NFYC: variants seen among roughly 807,000 people sequenced by gnomAD.
NFYC encodes CAAT box DNA-binding protein subunit C.
Under a neutral mutation model 53.1 loss-of-function variants are expected in NFYC, and 25 were observed. The ratio of observed to expected loss-of-function variants is 0.47; its 90% CI spans 0.34 to 0.66. The LOEUF is 0.66. NFYC is among the 30% of genes least tolerant of loss of function. NFYC has a pLI of 0.01. For synonymous variants in NFYC, 145 were observed against 152.6 expected (o/e 0.95, Z 0.37); for missense variants, 260 against 422.7 (o/e 0.62, Z 3.38).
chr1:40,719,161 G>A (rs1002762909), intron 1 of NFYC, among the ~76,000 whole-genome samples: 7 of 152,192 alleles, frequency 4.6e-5, no homozygotes, highest in African/African-American at 1.7e-4. Flanking sequence ...GAGCCACGGC[G>A]CCTGGCCCAT....
At chr1:40,759,941 G>T (rs962469740) in intron 6 of NFYC, among the ~76,000 whole-genome samples, 2 of 152,134 alleles carry the variant, frequency 1.3e-5, no homozygotes, top group South Asian at 4.1e-4. Context: ...AAAAAATGGA[G>T]TAGAGGTAGA....
intron 9 of NFYC, 36 bp downstream of exon 9, chr1:40,769,451 G>A: frequency 1.3e-6 from 2 of 1,592,658 alleles, no homozygotes; most frequent in Non-Finnish European, 1.7e-6. Flanking sequence ...AGAGGGTGAG[G>A]ATTTGCGGGG....
intron 1 of NFYC, among the ~76,000 whole-genome samples, chr1:40,726,794 G>C (rs1401821835): frequency 6.6e-6 from 1 of 152,196 alleles, no homozygotes; most frequent in Non-Finnish European, 1.5e-5. Context: ...TTTCTCTGTA[G>C]CTGCTTTTCT....
At chr1:40,764,410 G>C (rs2148785991) in intron 7 of NFYC, among the ~76,000 whole-genome samples, 1 of 152,302 alleles carries the variant, frequency 6.6e-6, no homozygotes, top group South Asian at 2.1e-4. Flanking sequence ...TCTCACGTGT[G>C]CTTACGATAC....
At chr1:40,767,196 T>G in intron 8 of NFYC, 2 of 526,358 alleles carry the variant, frequency 3.8e-6, no homozygotes. Flanking sequence ...GAGTCACAGA[T>G]GGTGAGGGGG....
In NFYC at chr1:40,749,605, C is replaced by T; in HGVS notation, c.210C>T (p.Ala70=). ...MISAEAPVLF[A]KAAQIFITEL... ...GTGCAGAAGCGCCTGTACTCTTTGCCAAGGCAGCCCAGATTTTTATCACAG... is the reference window on the plus strand; with the variant it reads ...GTGCAGAAGCGCCTGTACTCTTTGCTAAGGCAGCCCAGATTTTTATCACAG... The change falls in exon 4 of 10, where the codon GCC becomes GCT. Residue 70 remains alanine, a synonymous_variant. Transcript: ENST00000447388. 6.2e-7 allele frequency: 1 copy of T among 1,614,138 alleles called. No individual in the cohort carries two copies. Among genetic ancestry groups the T allele is most frequent in the Non-Finnish European group, 8.5e-7 (1 of 1,180,006 alleles).
chr1:40,748,349 G>C (rs1557867567), intron 3 of NFYC, among the ~76,000 whole-genome samples: 1 of 151,866 alleles, frequency 6.6e-6, no homozygotes, highest in Non-Finnish European at 1.5e-5. Context: ...ATGTTGTCCA[G>C]GCTAGTCACG....
At chr1:40,715,290 T>C (rs891384939) in intron 1 of NFYC, among the ~76,000 whole-genome samples, 3 of 149,246 alleles carry the variant, frequency 2.0e-5, no homozygotes, top group African/African-American at 7.4e-5. Context: ...TACAGGAGGC[T>C]GAGGCACAAG....
intron 1 of NFYC, among the ~76,000 whole-genome samples, chr1:40,731,264 T>G (rs2148546341): frequency 6.6e-6 from 1 of 152,298 alleles, no homozygotes; most frequent in Admixed American, 6.5e-5. Flanking sequence ...AACCTCCACC[T>G]CCTGGGTTCA....
chr1:40,716,269 A>G (rs1644132284), intron 1 of NFYC, among the ~76,000 whole-genome samples: 1 of 152,186 alleles, frequency 6.6e-6, no homozygotes, highest in African/African-American at 2.4e-5. Context: ...AGAGGAGGGG[A>G]GACGTTCGCT....
rs548804274 is a variant in NFYC, at chr1:40,751,497, C to T, written c.292-1654C>T. Reference sequence around the variant, plus strand: ...CACAGCTCATTGCAGCCTCGACCTCCTGGGCTCAAGTGATCCTCCCACCTC... The same window carrying T: ...CACAGCTCATTGCAGCCTCGACCTCTTGGGCTCAAGTGATCCTCCCACCTC... On this transcript the variant is annotated intron_variant, in intron 4 of 9. Coordinates refer to ENST00000447388, the MANE Select transcript of NFYC (RefSeq NM_014223.5). Among the ~76,000 whole-genome samples the T allele has an allele frequency of 3.3e-5, 5 of 152,262 alleles. No homozygotes were observed. The South Asian group carries it at 1.0e-3, about 32-fold the overall frequency.
intron 1 of NFYC, among the ~76,000 whole-genome samples, chr1:40,736,146 A>G (rs1413147207): frequency 6.6e-6 from 1 of 152,210 alleles, no homozygotes; most frequent in Non-Finnish European, 1.5e-5. Flanking sequence ...GGCCTCCACC[A>G]CAAGAAATTG....
chr1:40,697,851 A>G (rs1643233527), intron 1 of NFYC, among the ~76,000 whole-genome samples: 1 of 152,218 alleles, frequency 6.6e-6, no homozygotes, highest in African/African-American at 2.4e-5. Flanking sequence ...GTTAGCAGTG[A>G]TGTACCTGAT....
intron 9 of NFYC, among the ~76,000 whole-genome samples, chr1:40,769,664 C>T (rs1229356932): frequency 1.3e-5 from 2 of 152,150 alleles, no homozygotes; most frequent in African/African-American, 4.8e-5. Flanking sequence ...AAACTGAACC[C>T]TGGAGATGGG....
chr1:40,732,511 A>T (rs566242243), intron 1 of NFYC, among the ~76,000 whole-genome samples: 1 of 152,296 alleles, frequency 6.6e-6, no homozygotes, highest in African/African-American at 2.4e-5. Flanking sequence ...TTTCTTTAAG[A>T]ATGATAAAGA....
intron 1 of NFYC, among the ~76,000 whole-genome samples, chr1:40,727,052 G>A (rs1644548849): frequency 6.6e-6 from 1 of 152,154 alleles, no homozygotes; most frequent in Non-Finnish European, 1.5e-5. Flanking sequence ...TCTAATTACA[G>A]TTCTCTTGCT....
chr1:40,752,365 G>A (rs1645963704), intron 4 of NFYC, among the ~76,000 whole-genome samples: 1 of 152,018 alleles, frequency 6.6e-6, no homozygotes, highest in South Asian at 2.1e-4. Flanking sequence ...TAAATCTTTA[G>A]TAAAGTACAC....
chr1:40,770,331 G>A lies in NFYC; in HGVS notation c.889-378G>A. 6.9e-7 allele frequency: 1 copy of A among 1,450,986 alleles called. No homozygotes were observed. Among genetic ancestry groups the A allele is most frequent in the Non-Finnish European group, 9.3e-7 (1 of 1,074,208 alleles). 89.9% of individuals were successfully genotyped at this position (1,450,986 alleles called of 1,614,324 possible). Reference sequence around the variant, plus strand: ...TGCCCCTGCCAGTGTAGATTACCAAGAGTTGGGGAAATGCTGACTTCCAAG... The same window carrying A: ...TGCCCCTGCCAGTGTAGATTACCAAAAGTTGGGGAAATGCTGACTTCCAAG... On this transcript the variant is annotated intron_variant, in intron 9 of 9. Coordinates refer to ENST00000447388, the MANE Select transcript of NFYC (RefSeq NM_014223.5). The surrounding 1 kb of genome is among the most constrained non-coding windows in gnomAD (Gnocchi z 5.3).
intron 1 of NFYC, among the ~76,000 whole-genome samples, chr1:40,693,238 CAA>C (rs767243223): frequency 2.6e-5 from 4 of 152,124 alleles, no homozygotes; most frequent in Non-Finnish European, 5.9e-5. Flanking sequence ...GGTTCATATT[CAA>C]AAAGTTTTTA....
Sources: gnomAD v4.1 joint callset for allele counts (sites outside exome capture counted in the v4.1 genomes callset) on GRCh38, gnomAD v4.1.1 for gene constraint, Gnocchi (gnomAD v3.1) non-coding constraint, MANE v1.5 for transcripts, NCBI Gene and HGNC (gene_info 2026-07-23, HGNC 2026-07-21) for gene names.